The following PCDH9 variants were observed in gnomAD, a reference collection of about 807,000 sequenced individuals.
PCDH9 encodes protocadherin 9, also known as protocadherin-9.
PCDH9 carries 24 observed loss-of-function variants against 70.6 expected under a neutral mutation model. The ratio of observed to expected loss-of-function variants is 0.34; its 90% CI spans 0.25 to 0.48. The LOEUF (loss-of-function observed/expected upper bound fraction) is 0.48, where lower values mean the gene tolerates loss of function less well. Ranked by LOEUF, PCDH9 falls within the 20% of genes least tolerant of loss-of-function variation. The pLI is 0.99. For synonymous variants in PCDH9, 562 were observed against 558.5 expected (o/e 1.01, Z -0.09); for missense variants, 1,281 against 1,503.6 (o/e 0.85, Z 2.45).
chr13:66,954,453 A>G (rs563513207), intron 2 of PCDH9, among the ~76,000 whole-genome samples: 6 of 152,166 alleles, frequency 3.9e-5, no homozygotes, highest in Admixed American at 1.3e-4. Context: ...GACTCCTACA[A>G]TTTTTTACCC....
chr13:66,541,165 ACT>A (rs1177123124), intron 4 of PCDH9, among the ~76,000 whole-genome samples: 2 of 152,138 alleles, frequency 1.3e-5, no homozygotes, highest in African/African-American at 4.8e-5. Flanking sequence ...ACTATAAAAG[ACT>A]CTGAAGGGAA....
rs183708689 is a variant in PCDH9, at chr13:66,791,898, T to C, written c.3138+111606A>G. Among the ~76,000 whole-genome samples the C allele has an allele frequency of 9.0e-4, 137 of 152,270 alleles. 2 individuals carry two copies. The highest frequency in any genetic ancestry group is 1.5e-4 in the Non-Finnish European group (10 of 67,988). The stretch of plus-strand genomic sequence containing the variant: ...CTCTGTATACCACTCATAAATACAT[T>C]GCATTATGCACACAAAAAATCTTTG... On this transcript the variant is annotated intron_variant, in intron 3 of 4. Coordinates refer to ENST00000377865, the MANE Select transcript of PCDH9 (RefSeq NM_203487.3).
chr13:66,848,654 C>T (rs991536270), intron 3 of PCDH9, among the ~76,000 whole-genome samples: 4 of 151,870 alleles, frequency 2.6e-5, no homozygotes, highest in South Asian at 2.1e-4. Flanking sequence ...ATCGGCCGGG[C>T]GCGGTGGCTT....
chr13:67,018,913 T>C (rs910238894), intron 2 of PCDH9, among the ~76,000 whole-genome samples: 2 of 152,118 alleles, frequency 1.3e-5, no homozygotes, highest in African/African-American at 4.8e-5. Flanking sequence ...AATAAGACCG[T>C]TTCTGATCTC....
At chr13:66,392,588 C>T (rs1018062311) in intron 4 of PCDH9, among the ~76,000 whole-genome samples, 1 of 152,138 alleles carries the variant, frequency 6.6e-6, no homozygotes, top group Non-Finnish European at 1.5e-5. Flanking sequence ...GCCACAGGAA[C>T]TGTAAACTCT....
At chr13:66,831,821 C>A (rs2080930530) in intron 3 of PCDH9, among the ~76,000 whole-genome samples, 2 of 151,966 alleles carry the variant, frequency 1.3e-5, no homozygotes, top group Non-Finnish European at 1.5e-5. Context: ...GGATTTTACC[C>A]TAGTATAAGA....
intron 4 of PCDH9, among the ~76,000 whole-genome samples, chr13:66,550,204 T>C (rs533606348): frequency 2.0e-5 from 3 of 152,120 alleles, no homozygotes; most frequent in Non-Finnish European, 4.4e-5. Flanking sequence ...TTATAATAAT[T>C]GTTTAATGAT....
At chr13:66,899,050 G>T (rs537877627) in intron 3 of PCDH9, among the ~76,000 whole-genome samples, 1 of 151,860 alleles carries the variant, frequency 6.6e-6, no homozygotes, top group African/African-American at 2.4e-5. Context: ...CTCCTCTCAC[G>T]CACCCCTCTT....
chr13:66,730,876 G>GTGTTTTTTTTTTTTTTTTTT (rs1555262846), intron 3 of PCDH9, among the ~76,000 whole-genome samples: 3 of 46,354 alleles, frequency 6.5e-5, no homozygotes, highest in African/African-American at 2.3e-4. Flanking sequence ...GTGTGTGTGT[G>GTGTTTTTTTTTTTTTTTTTT]TTTTTTTTTT....
At chr13:66,327,285 G>A (rs1045664369) in intron 4 of PCDH9, among the ~76,000 whole-genome samples, 8 of 152,104 alleles carry the variant, frequency 5.3e-5, no homozygotes, top group Admixed American at 4.6e-4. Flanking sequence ...CCCCCATGCT[G>A]TACCACAAAG....
intron 2 of PCDH9, among the ~76,000 whole-genome samples, chr13:67,078,880 A>C (rs761068776): frequency 1.4e-4 from 21 of 152,114 alleles, no homozygotes; most frequent in African/African-American, 1.9e-4. Flanking sequence ...CTTTCACTGC[A>C]TTGAAATAAA....
chr13:66,902,140 G>A (rs1411668939), intron 3 of PCDH9, among the ~76,000 whole-genome samples: 1 of 151,588 alleles, frequency 6.6e-6, no homozygotes, highest in Non-Finnish European at 1.5e-5. Flanking sequence ...CAAAGGGTTG[G>A]AAACTATGGT....
intron 4 of PCDH9, among the ~76,000 whole-genome samples, chr13:66,568,751 A>G (rs34610571): frequency 0.34 from 51,793 of 151,520 alleles, 9,283 homozygotes; most frequent in African/African-American, 0.44. Context: ...AATGTAAGTC[A>G]AAGGGGTCAA....
chr13:66,911,975 T>C (rs1192445889), intron 2 of PCDH9, among the ~76,000 whole-genome samples: 1 of 152,184 alleles, frequency 6.6e-6, no homozygotes, highest in Non-Finnish European at 1.5e-5. Context: ...TTCAATTTAT[T>C]TCATTATTTA....
At chr13:66,896,298 A>G (rs2082177620) in intron 3 of PCDH9, among the ~76,000 whole-genome samples, 1 of 152,180 alleles carries the variant, frequency 6.6e-6, no homozygotes, top group African/African-American at 2.4e-5. Flanking sequence ...GTAATTCATA[A>G]GGCCACTCAC....
intron 4 of PCDH9, among the ~76,000 whole-genome samples, chr13:66,532,167 GTT>G (rs35940776): frequency 5.7e-4 from 84 of 147,046 alleles, no homozygotes; most frequent in Non-Finnish European, 9.8e-4. Flanking sequence ...TTTTTTAGTG[GTT>G]TTTTTTTTTT....
chr13:67,157,353 T>C (rs1323178021), intron 2 of PCDH9, among the ~76,000 whole-genome samples: 1 of 152,244 alleles, frequency 6.6e-6, no homozygotes, highest in Non-Finnish European at 1.5e-5. Flanking sequence ...TATATTCATT[T>C]GTTAAAATTT....
chr13:66,984,522 A>G (rs750324957), intron 2 of PCDH9, among the ~76,000 whole-genome samples: 3 of 152,106 alleles, frequency 2.0e-5, no homozygotes, highest in East Asian at 1.9e-4. Flanking sequence ...AATCACTGAA[A>G]CCATCTGGTC....
chr13:66,389,611 A>G (rs916407298), intron 4 of PCDH9, among the ~76,000 whole-genome samples: 1 of 152,202 alleles, frequency 6.6e-6, no homozygotes, highest in Non-Finnish European at 1.5e-5. Flanking sequence ...CAGGGTACCA[A>G]AAAAGGCTTA....
Sources: allele counts gnomAD v4.1 joint callset (sites outside exome capture counted in the v4.1 genomes callset), GRCh38; gene constraint gnomAD v4.1.1; transcripts MANE v1.5; gene names NCBI Gene and HGNC (gene_info 2026-07-23, HGNC 2026-07-21).